Variants in TTC17 observed in about 807,000 individuals in gnomAD.
TTC17 encodes tetratricopeptide repeat domain 17.
In TTC17, 58 loss-of-function variants were observed where a neutral mutation model predicts 143.8. That is an observed-to-expected ratio of 0.40 (90% CI 0.33 to 0.50). TTC17 has a LOEUF of 0.50. Among genes scored for constraint, TTC17 ranks in the 20% least tolerant of loss-of-function variants. The pLI is 0.49. For synonymous variants in TTC17, 501 were observed against 497.8 expected, an observed-to-expected ratio of 1.01 and a Z score of -0.09; for missense variants, 1,273 against 1,392.5, an observed-to-expected ratio of 0.91 and a Z score of 1.37.
intron 2 of TTC17, chr11:43,385,660 C>G (rs1012670751): frequency 6.7e-6 from 1 of 149,160 alleles, no homozygotes; most frequent in East Asian, 2.0e-4. Context: ...GAAGATTGCT[C>G]GAGCCTAGGA....
intron 1 of TTC17, among the ~76,000 whole-genome samples, chr11:43,367,522 G>C (rs1179881539): frequency 6.6e-6 from 1 of 152,202 alleles, no homozygotes; most frequent in Non-Finnish European, 1.5e-5. Context: ...AGTTGTTGCA[G>C]TTTAGAAGTC....
At chr11:43,390,094 G>C (rs1018169768) in intron 3 of TTC17, among the ~76,000 whole-genome samples, 1 of 152,012 alleles carries the variant, frequency 6.6e-6, no homozygotes, top group African/African-American at 2.4e-5. Context: ...ATTGCCAACA[G>C]CCAGGAGTTT....
At chr11:43,474,343 G>A (rs1357618733) in intron 21 of TTC17, among the ~76,000 whole-genome samples, 1 of 152,122 alleles carries the variant, frequency 6.6e-6, no homozygotes, top group African/African-American at 2.4e-5. Flanking sequence ...GTGGATATAT[G>A]TAGAGAAAAA....
chr11:43,401,652 G>C, intron 10 of TTC17, 94 bp downstream of exon 10: 1 of 852,204 alleles, frequency 1.2e-6, no homozygotes, highest in South Asian at 1.9e-5. Context: ...TTGTATATTT[G>C]ATCCCTAAAA....
intron 1 of TTC17, among the ~76,000 whole-genome samples, chr11:43,373,936 A>T (rs1228296673): frequency 6.6e-6 from 1 of 152,196 alleles, no homozygotes; most frequent in Non-Finnish European, 1.5e-5. Context: ...GACTGGTCAG[A>T]TGCATATTTT....
At chr11:43,430,674 G>A (rs1157875113) in intron 16 of TTC17, among the ~76,000 whole-genome samples, 2 of 143,564 alleles carry the variant, frequency 1.4e-5, no homozygotes, top group East Asian at 2.0e-4. Context: ...GGTAGAAATG[G>A]ACTCTATACT....
At chr11:43,448,648 T>TC in intron 19 of TTC17, 1 of 152,690 alleles carries the variant, frequency 6.5e-6, no homozygotes, top group East Asian at 1.9e-4. Flanking sequence ...ACTCCCAAAA[T>TC]TCCAATCAAC....
At chr11:43,384,278 A>G (rs555492840) in intron 2 of TTC17, among the ~76,000 whole-genome samples, 259 of 152,354 alleles carry the variant, frequency 1.7e-3, no homozygotes, top group Admixed American at 2.8e-3. Flanking sequence ...GGATGTATTT[A>G]TACAAGTTCA....
chr11:43,410,773 C>T (rs1858373879), intron 15 of TTC17, among the ~76,000 whole-genome samples: 1 of 152,190 alleles, frequency 6.6e-6, no homozygotes, highest in African/African-American at 2.4e-5. Context: ...CAGTCTTCCT[C>T]ATTTCAGGAA....
chr11:43,392,007 A>G, intron 5 of TTC17, 55 bp downstream of exon 5: 1 of 1,531,092 alleles, frequency 6.5e-7, no homozygotes, highest in Non-Finnish European at 8.7e-7. Flanking sequence ...GCTCTGTGTA[A>G]ACAGAAGATA....
Position 43,451,197 on chromosome 11 carries a change from G to T in TTC17, c.2962G>T (p.Gly988Cys). ...SQLTEVLQNL[G>C]KDQYPQQSLE... ...TTCCTTCCAGGTATTACAAAATCTC[G>T]GCAAAGACCAATATCCACAACAGTC... Residue 988 changes from glycine to cysteine, a missense_variant, in exon 21 of 24, where the codon GGC (glycine) becomes TGC (cysteine). By Grantham distance (159) the Gly-to-Cys change is radical. Transcript: ENST00000039989. 1 of 1,612,794 alleles carries T rather than the reference G, an allele frequency of 6.2e-7. No homozygotes were observed. Among genetic ancestry groups the T allele is most frequent in the Non-Finnish European group, 8.5e-7 (1 of 1,179,070 alleles).
intron 11 of TTC17, 91 bp downstream of exon 11, chr11:43,404,235 C>A: frequency 7.9e-7 from 1 of 1,266,174 alleles, no homozygotes; most frequent in Non-Finnish European, 1.1e-6. Flanking sequence ...AATATGGCCT[C>A]TATGACTGTT....
intron 9 of TTC17, 140 bp downstream of exon 9, chr11:43,400,188 C>A: frequency 1.0e-6 from 1 of 966,318 alleles, no homozygotes; most frequent in South Asian, 2.0e-5. Context: ...CATGATTCAT[C>A]ACTGTGGGTA....
chr11:43,398,196 T>C (rs1382291719), intron 8 of TTC17, 83 bp downstream of exon 8: 2 of 1,520,262 alleles, frequency 1.3e-6, no homozygotes, highest in African/African-American at 1.4e-5. Context: ...CAGTGTTAAT[T>C]TGGTAACTGG....
At chr11:43,369,197 C>T (rs1856467408) in intron 1 of TTC17, among the ~76,000 whole-genome samples, 1 of 152,172 alleles carries the variant, frequency 6.6e-6, no homozygotes. Flanking sequence ...AAAATGTGGA[C>T]TGGTAGCACT....
At chr11:43,412,935 A>G (rs1285845666) in intron 15 of TTC17, among the ~76,000 whole-genome samples, 2 of 151,000 alleles carry the variant, frequency 1.3e-5, no homozygotes, top group African/African-American at 4.9e-5. Flanking sequence ...GTGTTTGTGT[A>G]TTGATAAGTT....
intron 21 of TTC17, among the ~76,000 whole-genome samples, chr11:43,470,034 A>G (rs1948063330): frequency 6.6e-6 from 1 of 152,220 alleles, no homozygotes; most frequent in Non-Finnish European, 1.5e-5. Context: ...ATGGCTTTAC[A>G]AAATATGGAC....
intron 1 of TTC17, among the ~76,000 whole-genome samples, chr11:43,366,730 A>C (rs760180354): frequency 6.6e-6 from 1 of 152,118 alleles, no homozygotes; most frequent in Non-Finnish European, 1.5e-5. Context: ...CAGATTCTCG[A>C]ACATATCTTA....
chr11:43,379,348 C>G (rs751566065), intron 2 of TTC17, 26 bp downstream of exon 2: 1 of 1,576,670 alleles, frequency 6.3e-7, no homozygotes, highest in Non-Finnish European at 8.7e-7. Context: ...ATGTGAGATG[C>G]AGCTGATGCT....
Sources: allele counts gnomAD v4.1 joint callset (sites outside exome capture counted in the v4.1 genomes callset), GRCh38; gene constraint gnomAD v4.1.1; transcripts MANE v1.5; gene names NCBI Gene and HGNC (gene_info 2026-07-23, HGNC 2026-07-21).